The following SLC39A10 variants were observed in gnomAD, a reference collection of about 807,000 sequenced individuals.
SLC39A10 encodes the protein solute carrier family 39 member 10.
In SLC39A10, 13 loss-of-function variants were observed where a neutral mutation model predicts 65.1. The ratio of observed to expected loss-of-function variants is 0.20; its 90% CI spans 0.13 to 0.32. The LOEUF (loss-of-function observed/expected upper bound fraction) is 0.32. Ranked by LOEUF, SLC39A10 falls within the 10% of genes least tolerant of loss-of-function variation. SLC39A10 has a pLI of 1.00. For synonymous variants in SLC39A10, 321 were observed against 342.2 expected (o/e 0.94, Z 0.68); for missense variants, 831 against 1,018.4 (o/e 0.82, Z 2.50).
chr2:195,677,405 G>A lies in SLC39A10; in HGVS notation c.-11-2627G>A, dbSNP rs79448669. ...AAAAAGAAGAAAATTAAAACTGAGC[G>A]TGGTGGCACACACAGCTACTTGGAA... On this transcript the variant is annotated intron_variant, in intron 1 of 9. Transcript: ENST00000359634. 8.6e-3 allele frequency among the ~76,000 whole-genome samples: 1,306 copies of A among 152,192 alleles called. 15 individuals carry two copies. Among genetic ancestry groups the A allele is most frequent in the African/African-American group, 0.03 (1,255 of 41,510 alleles).
intron 3 of SLC39A10, among the ~76,000 whole-genome samples, chr2:195,698,620 A>G (rs1691065176): frequency 6.6e-6 from 1 of 151,426 alleles, no homozygotes; most frequent in Non-Finnish European, 1.5e-5. Context: ...ATGGATTTTT[A>G]TATATTGAAC....
At chr2:195,670,539 GT>G (rs1408011406) in intron 1 of SLC39A10, 1 of 151,972 alleles carries the variant, frequency 6.6e-6, no homozygotes, top group Non-Finnish European at 1.5e-5. Flanking sequence ...CATGTATTTT[GT>G]TAAGCAATAT....
At position 195,660,691 on chromosome 2, in the gene SLC39A10, T is replaced by G. The variant is rs181709103; in HGVS notation, c.-12+3410T>G. Among the ~76,000 whole-genome samples, 9 of 152,266 alleles carry G rather than the reference T, an allele frequency of 5.9e-5. No individual in the cohort carries two copies. In the East Asian group the frequency reaches 9.6e-4, roughly 16 times the overall value. On this transcript the variant is annotated intron_variant, in intron 1 of 9. Transcript: ENST00000359634. Reference sequence around the variant, plus strand: ...AATAGGGGTGAATTTTGGGTAGAGATAGAACAATCACCAAGTTACCTTGCT... The same window carrying G: ...AATAGGGGTGAATTTTGGGTAGAGAGAGAACAATCACCAAGTTACCTTGCT...
chr2:195,683,033 C>T (rs912616879), intron 2 of SLC39A10, among the ~76,000 whole-genome samples: 5 of 151,660 alleles, frequency 3.3e-5, no homozygotes, highest in Admixed American at 6.6e-5. Context: ...TCTCTTTTGC[C>T]GTAATATTAG....
Position 195,706,597 on chromosome 2 carries a change from C to CT in SLC39A10, c.1217-17dup. The CT allele has an allele frequency of 6.2e-7, 1 of 1,604,462 alleles. No homozygotes were observed. On this transcript the variant is annotated intron_variant, in intron 3 of 9. Transcript: ENST00000359634. The stretch of plus-strand genomic sequence containing the variant: ...TTAAATTGTTATACTAATGTTGACT[C>CT]TTAATTTCTTTTCTACAGCCTGGAT...
intron 3 of SLC39A10, among the ~76,000 whole-genome samples, chr2:195,702,080 A>G (rs1691214638): frequency 6.6e-6 from 1 of 151,992 alleles, no homozygotes; most frequent in Admixed American, 6.6e-5. Flanking sequence ...ATTTTCCAAT[A>G]TTTATTGCCT....
At chr2:195,620,893 G>T (rs887528657) in intron 2 of SLC39A10, among the ~76,000 whole-genome samples, 5 of 152,130 alleles carry the variant, frequency 3.3e-5, no homozygotes, top group African/African-American at 1.2e-4. Flanking sequence ...TTGAAAACCT[G>T]TCTCTTGCCA....
chr2:195,643,083 T>C (rs1039937027), intron 2 of SLC39A10, among the ~76,000 whole-genome samples: 3 of 152,214 alleles, frequency 2.0e-5, no homozygotes, highest in African/African-American at 7.2e-5. Flanking sequence ...GTGTCTGTCC[T>C]GGGGATGTCA....
rs1690889603 is a variant in SLC39A10, at chr2:195,694,994, C to G, written c.1216+11088C>G. Among the ~76,000 whole-genome samples, 8 of 152,250 alleles carry G rather than the reference C, an allele frequency of 5.3e-5. No individual in the cohort carries two copies. In the South Asian group the frequency reaches 1.7e-3, roughly 32 times the overall value. On this transcript the variant is annotated intron_variant, in intron 3 of 9. Coordinates refer to ENST00000359634, the MANE Select transcript of SLC39A10 (RefSeq NM_020342.3). Reference sequence around the variant, plus strand: ...CAGACTCTCCGCGGGGCCGGAGTCCCTGCTAAAGTGCTTCTCGCTTCGCAG... The same window carrying G: ...CAGACTCTCCGCGGGGCCGGAGTCCGTGCTAAAGTGCTTCTCGCTTCGCAG...
At chr2:195,710,089 T>G (rs1691556430) in intron 5 of SLC39A10, among the ~76,000 whole-genome samples, 1 of 152,202 alleles carries the variant, frequency 6.6e-6, no homozygotes, top group Admixed American at 6.5e-5. Flanking sequence ...AACTGTTGCT[T>G]AAATACTCTG....
intron 2 of SLC39A10, among the ~76,000 whole-genome samples, chr2:195,619,076 G>A (rs958696413): frequency 8.8e-6 from 1 of 113,172 alleles, no homozygotes; most frequent in African/African-American, 3.5e-5. Context: ...CTGGGCAACA[G>A]AGCAAGACTC....
rs1553509231 is a variant in SLC39A10 at position 195,736,671 on chromosome 2, GTTAT to G, written c.*1633_*1636del. On this transcript the variant is annotated 3_prime_UTR_variant, in exon 10 of 10. Transcript: ENST00000359634. ...ATGCTATAAGCAAGGGAGCTTAGGT[GTTAT>G]TTCTTTAATTTATGCTTGAATCTGA... The G allele has an allele frequency of 6.6e-6, 1 of 152,136 alleles. No homozygotes were observed. The highest frequency in any genetic ancestry group is 1.5e-5 in the Non-Finnish European group (1 of 68,000). The allele number at this position is 152,136 out of a possible 1,614,324, so 9.4% of individuals were successfully genotyped here.
chr2:195,652,819 C>T (rs1420323449), upstream of SLC39A10, among the ~76,000 whole-genome samples: 1 of 152,172 alleles, frequency 6.6e-6, no homozygotes, highest in Non-Finnish European at 1.5e-5. Context: ...GGCCACACAG[C>T]AGGAGGTGAG....
At chr2:195,661,336 T>A (rs927592639) in intron 1 of SLC39A10, among the ~76,000 whole-genome samples, 1 of 152,178 alleles carries the variant, frequency 6.6e-6, no homozygotes, top group African/African-American at 2.4e-5. Context: ...AATAAAAAAT[T>A]AGTGGAATGC....
intron 8 of SLC39A10, among the ~76,000 whole-genome samples, chr2:195,721,106 T>C (rs1692018831): frequency 6.6e-6 from 1 of 152,096 alleles, no homozygotes. Flanking sequence ...CATGCCCAGC[T>C]AATTTTTGTA....
At chr2:195,674,780 C>G (rs1462765148) in intron 1 of SLC39A10, 2 of 386,002 alleles carry the variant, frequency 5.2e-6, no homozygotes, top group Admixed American at 1.3e-4. Flanking sequence ...ATACACCTAC[C>G]TATAGAGTAT....
chr2:195,617,883 G>C (rs1190463855), intron 2 of SLC39A10, among the ~76,000 whole-genome samples: 1 of 151,198 alleles, frequency 6.6e-6, no homozygotes, highest in African/African-American at 2.4e-5. Flanking sequence ...GGGACCACAG[G>C]TGCCCGCCAC....
At chr2:195,657,468 C>T (rs1689191764) in intron 1 of SLC39A10, 187 bp downstream of exon 1, 1 of 985,694 alleles carries the variant, frequency 1.0e-6, no homozygotes, top group Non-Finnish European at 1.2e-6. Flanking sequence ...GGCGGCCAGC[C>T]GAAGCAGAGC....
At chr2:195,651,080 G>A (rs1357896797) in intron 2 of SLC39A10, among the ~76,000 whole-genome samples, 1 of 142,656 alleles carries the variant, frequency 7.0e-6, no homozygotes, top group Non-Finnish European at 1.5e-5. Context: ...CAAAAAAAAT[G>A]TTTTTTTTTT....
Sources: gnomAD v4.1 joint callset for allele counts (sites outside exome capture counted in the v4.1 genomes callset) on GRCh38, gnomAD v4.1.1 for gene constraint, MANE v1.5 for transcripts, NCBI Gene and HGNC (gene_info 2026-07-23, HGNC 2026-07-21) for gene names.